The following VPS13B variants were observed in gnomAD, a reference collection of about 807,000 sequenced individuals.
VPS13B encodes vacuolar protein sorting 13 homolog B, also known as intermembrane lipid transfer protein VPS13B.
A neutral mutation model predicts 426.4 loss-of-function variants in VPS13B; 285 were observed. That is an observed-to-expected ratio of 0.67 (90% CI 0.61 to 0.74). VPS13B has a LOEUF of 0.74. Ranked by LOEUF, VPS13B falls within the 30% of genes least tolerant of loss-of-function variation. The pLI, the probability that VPS13B is intolerant of heterozygous loss-of-function variation, is 0.00. For synonymous variants in VPS13B, 1,676 were observed against 1,676.4 expected, an observed-to-expected ratio of 1.00 and a Z score of 0.01; for missense variants, 4,537 against 4,782.6, an observed-to-expected ratio of 0.95 and a Z score of 1.51.
chr8:99,325,567 T>A (rs1810205802), intron 19 of VPS13B, among the ~76,000 whole-genome samples: 1 of 152,174 alleles, frequency 6.6e-6, no homozygotes, highest in African/African-American at 2.4e-5. Flanking sequence ...AAAGCAACCT[T>A]AGCAGTATAA....
rs76570215 is a variant in VPS13B, at chr8:99,373,329, A to T, written c.2825-10879A>T. On this transcript the variant is annotated intron_variant, in intron 19 of 61. Coordinates refer to ENST00000357162, the MANE Select transcript of VPS13B (RefSeq NM_152564.5). ...GTATCCCACAACTTGAAGTAAAATT[A>T]AAAAAAAAAAAAGAAAAAGAAGTTC... 3.7e-3 allele frequency among the ~76,000 whole-genome samples: 528 copies of T among 143,236 alleles called. 2 individuals carry two copies. Among genetic ancestry groups the T allele is most frequent in the African/African-American group, 0.012 (491 of 39,414 alleles). 94.0% of individuals were successfully genotyped at this position (143,236 alleles called of 152,430 possible). A position where few individuals can be genotyped will look rare whatever the true frequency, so the allele number is the denominator to read the frequency against.
chr8:99,700,006 T>C (rs986341742), intron 36 of VPS13B, 74 bp downstream of exon 36: 37 of 1,546,036 alleles, frequency 2.4e-5, no homozygotes, highest in Non-Finnish European at 2.2e-5. Context: ...ATGCATCATT[T>C]TGAAGATTTA....
chr8:99,288,501 T>G (rs982824571), intron 19 of VPS13B, among the ~76,000 whole-genome samples: 2 of 152,010 alleles, frequency 1.3e-5, no homozygotes, highest in Non-Finnish European at 2.9e-5. Flanking sequence ...TACAATTTCA[T>G]TTTTAAAGAA....
At chr8:99,873,723 AC>A (rs1366457964) in intron 61 of VPS13B, among the ~76,000 whole-genome samples, 2 of 152,102 alleles carry the variant, frequency 1.3e-5, no homozygotes, top group Non-Finnish European at 2.9e-5. Context: ...CGTCTTTGAG[AC>A]TAAACCCTCC....
At chr8:99,254,769 A>G (rs1026093195) in intron 17 of VPS13B, among the ~76,000 whole-genome samples, 1 of 151,894 alleles carries the variant, frequency 6.6e-6, no homozygotes, top group African/African-American at 2.4e-5. Flanking sequence ...CAGCCTCTTG[A>G]GTAGCTGGGA....
chr8:99,546,501 A>T (rs570106359), intron 30 of VPS13B, among the ~76,000 whole-genome samples: 1 of 152,134 alleles, frequency 6.6e-6, no homozygotes, highest in East Asian at 1.9e-4. Context: ...CATTTGGACT[A>T]TGCTGTTTCT....
intron 21 of VPS13B, among the ~76,000 whole-genome samples, chr8:99,415,434 C>T (rs563204748): frequency 9.9e-5 from 15 of 152,142 alleles, no homozygotes; most frequent in Non-Finnish European, 1.9e-4. Context: ...CAAACTCATT[C>T]TCCATCCAGT....
chr8:99,487,176 C>A (rs1820356883), intron 25 of VPS13B, among the ~76,000 whole-genome samples: 1 of 150,892 alleles, frequency 6.6e-6, no homozygotes, highest in Non-Finnish European at 1.5e-5. Context: ...ACTTCCCAAG[C>A]ACAGAGGGTA....
intron 34 of VPS13B, among the ~76,000 whole-genome samples, chr8:99,656,761 A>C (rs936203110): frequency 6.6e-6 from 1 of 152,176 alleles, no homozygotes; most frequent in Non-Finnish European, 1.5e-5. Flanking sequence ...AGCTGGCTGC[A>C]CTGACTCATG....
At chr8:99,385,995 G>C (rs1814099077) in intron 20 of VPS13B, among the ~76,000 whole-genome samples, 1 of 152,138 alleles carries the variant, frequency 6.6e-6, no homozygotes, top group African/African-American at 2.4e-5. Context: ...ATTTTGAAGG[G>C]TAAAGAGGAG....
chr8:99,856,111 T>C (rs1455809878), intron 56 of VPS13B, among the ~76,000 whole-genome samples: 1 of 152,252 alleles, frequency 6.6e-6, no homozygotes, highest in African/African-American at 2.4e-5. Flanking sequence ...GCAGCCCGTG[T>C]GCTAAAAACG....
chr8:99,554,121 G>T (rs1824421976), intron 30 of VPS13B, among the ~76,000 whole-genome samples: 1 of 151,996 alleles, frequency 6.6e-6, no homozygotes, highest in East Asian at 1.9e-4. Context: ...TAATTATACA[G>T]CTTTTCCATG....
chr8:99,271,068 C>T (rs914304676), intron 17 of VPS13B, among the ~76,000 whole-genome samples: 1 of 151,752 alleles, frequency 6.6e-6, no homozygotes, highest in East Asian at 1.9e-4. Flanking sequence ...TTGTGTTTGC[C>T]GAATAAATGA....
chr8:99,203,535 A>G (rs1460264611), intron 17 of VPS13B, among the ~76,000 whole-genome samples: 2 of 152,182 alleles, frequency 1.3e-5, no homozygotes, highest in African/African-American at 4.8e-5. Context: ...AGAATAAGAA[A>G]TAAAGGGTAT....
intron 25 of VPS13B, among the ~76,000 whole-genome samples, chr8:99,491,691 TGCTGTGGTTTTCAG>T (rs1820612384): frequency 6.6e-6 from 1 of 152,198 alleles, no homozygotes; most frequent in Non-Finnish European, 1.5e-5. Context: ...GTAGTTCTCG[TGCTGTGGTTTTCAG>T]CTCCATCAGG....
chr8:99,279,526 CT>C (rs61301696), intron 19 of VPS13B, among the ~76,000 whole-genome samples: 134,246 of 152,042 alleles, frequency 0.88, 59,986 homozygotes, highest in African/African-American at 0.97. Context: ...TCCCAAAGTG[CT>C]TGAGATTACA....
chr8:99,793,705 G>A (rs555680495), intron 43 of VPS13B, among the ~76,000 whole-genome samples: 1 of 152,282 alleles, frequency 6.6e-6, no homozygotes, highest in Admixed American at 6.5e-5. Flanking sequence ...GGGGCAGGGT[G>A]TAAGAGCATA....
In VPS13B at chr8:99,510,963, T is replaced by G. The variant is rs189623798; in HGVS notation, c.4225-141T>G. The G allele has an allele frequency of 1.2e-4, 109 of 874,890 alleles. No individual in the cohort carries two copies. The East Asian group carries it at 2.8e-3, about 22-fold the overall frequency. 54.2% of individuals were successfully genotyped at this position (874,890 alleles called of 1,614,324 possible). A position where few individuals can be genotyped will look rare whatever the true frequency, so the allele number is the denominator to read the frequency against. On this transcript the variant is annotated intron_variant, in intron 28 of 61. Coordinates refer to ENST00000357162, the MANE Select transcript of VPS13B (RefSeq NM_152564.5). ...AAGCTTTTTGCCCACATCTGCAGAA[T>G]TGATCAGTCATGTGTTTATTAAGAA...
At chr8:99,380,950 A>G (rs1215506933) in intron 19 of VPS13B, among the ~76,000 whole-genome samples, 15 of 151,320 alleles carry the variant, frequency 9.9e-5, no homozygotes. Flanking sequence ...TAATATAGGT[A>G]AGCTTGTGTC....
Sources: gnomAD v4.1 joint callset for allele counts (sites outside exome capture counted in the v4.1 genomes callset) on GRCh38, gnomAD v4.1.1 for gene constraint, MANE v1.5 for transcripts, NCBI Gene and HGNC (gene_info 2026-07-23, HGNC 2026-07-21) for gene names.